The following ANKFN1 variants were observed in gnomAD, a reference collection of about 807,000 sequenced individuals.
ANKFN1 encodes ankyrin repeat and fibronectin type-III domain-containing protein 1.
ANKFN1 carries 74 observed loss-of-function variants against 108.7 expected under a neutral mutation model. The observed-to-expected ratio is 0.68, with a 90% CI of 0.56 to 0.83. ANKFN1 has a LOEUF of 0.83. ANKFN1 is among the 40% of genes least tolerant of loss of function. The pLI is 0.00. For synonymous variants in ANKFN1, 547 were observed against 516.2 expected (o/e 1.06, Z -0.81); for missense variants, 1,505 against 1,382.3 (o/e 1.09, Z -1.41).
Position 56,360,168 on chromosome 17 carries a change from A to T in ANKFN1, c.601+6122A>T, listed in dbSNP as rs118023753. Among the ~76,000 whole-genome samples, 119 of 152,320 alleles carry T rather than the reference A, an allele frequency of 7.8e-4. 1 individual carries two copies. In the South Asian group the frequency reaches 0.014, roughly 17 times the overall value. Reference sequence around the variant, plus strand: ...TTCTGCTTCACTAAAATAGGGGTATAGATCTTCACCCTAACTTACAAATCT... The same window carrying T: ...TTCTGCTTCACTAAAATAGGGGTATTGATCTTCACCCTAACTTACAAATCT... On this transcript the variant is annotated intron_variant, in intron 6 of 20. Coordinates refer to ENST00000682825, the MANE Select transcript of ANKFN1 (RefSeq NM_001370326.1).
chr17:56,437,481 G>C (rs2048966415), intron 8 of ANKFN1, among the ~76,000 whole-genome samples: 1 of 152,134 alleles, frequency 6.6e-6, no homozygotes, highest in Non-Finnish European at 1.5e-5. Flanking sequence ...AATTAATCAT[G>C]TCTGTTTCAA....
chr17:56,152,792 A>G (rs1251959000), upstream of ANKFN1, among the ~76,000 whole-genome samples: 1 of 152,214 alleles, frequency 6.6e-6, no homozygotes, highest in East Asian at 1.9e-4. Flanking sequence ...CAAAATAAGC[A>G]TGCACATAAT....
At chr17:56,373,820 C>T (rs1185679977) in intron 7 of ANKFN1, among the ~76,000 whole-genome samples, 2 of 152,174 alleles carry the variant, frequency 1.3e-5, no homozygotes, top group Non-Finnish European at 2.9e-5. Context: ...TGCTATTATG[C>T]CTCATTTAGG....
At chr17:56,383,072 G>C (rs536653768) in intron 8 of ANKFN1, among the ~76,000 whole-genome samples, 3 of 152,196 alleles carry the variant, frequency 2.0e-5, no homozygotes, top group Non-Finnish European at 4.4e-5. Flanking sequence ...TGACCACATA[G>C]TTGGAAGTAA....
intron 6 of ANKFN1, among the ~76,000 whole-genome samples, chr17:56,363,691 G>C (rs936475968): frequency 6.6e-6 from 1 of 152,086 alleles, no homozygotes; most frequent in African/African-American, 2.4e-5. Flanking sequence ...TAACAGATGA[G>C]TGGATTTTTA....
intron 6 of ANKFN1, among the ~76,000 whole-genome samples, chr17:56,363,603 A>G (rs1476857955): frequency 2.0e-5 from 3 of 152,234 alleles, no homozygotes; most frequent in Non-Finnish European, 4.4e-5. Flanking sequence ...TCAGTTTGTC[A>G]AAGAGATGTC....
chr17:56,223,917 T>A (rs1227729872), intron 2 of ANKFN1, among the ~76,000 whole-genome samples: 3 of 152,230 alleles, frequency 2.0e-5, no homozygotes, highest in African/African-American at 7.2e-5. Flanking sequence ...CACAACAATC[T>A]TAGGAGAAGT....
intron 4 of ANKFN1, among the ~76,000 whole-genome samples, chr17:56,103,300 G>A (rs1311485650): frequency 6.6e-6 from 1 of 152,226 alleles, no homozygotes; most frequent in East Asian, 1.9e-4. Flanking sequence ...GCAGAGCTGA[G>A]CAGGATCAAA....
Position 56,087,191 on chromosome 17 carries a change from G to C in ANKFN1, c.288+40866G>C, listed in dbSNP as rs573498455. 8.6e-5 allele frequency among the ~76,000 whole-genome samples: 13 copies of C among 151,334 alleles called. No individual in the cohort carries two copies. In the East Asian group the frequency reaches 2.1e-3, roughly 25 times the overall value. On this transcript the variant is annotated intron_variant, in intron 4 of 12. Coordinates refer to the ANKFN1 transcript ENST00000635860. Reference sequence around the variant, plus strand: ...TTGATTCTGTGTCTGTACTACTTTTGACTATTTCCCAGGTCTTTCATGGGG... The same window carrying C: ...TTGATTCTGTGTCTGTACTACTTTTCACTATTTCCCAGGTCTTTCATGGGG...
chr17:56,353,795 G>A (rs1555634958), intron 5 of ANKFN1, 41 bp from the exon 6 acceptor site: 2 of 1,583,438 alleles, frequency 1.3e-6, no homozygotes, highest in Non-Finnish European at 1.7e-6. Context: ...AAGACACACT[G>A]GTTTAAGAAA....
intron 3 of ANKFN1, among the ~76,000 whole-genome samples, chr17:56,278,582 A>C (rs944920137): frequency 6.6e-6 from 1 of 152,378 alleles, no homozygotes; most frequent in Non-Finnish European, 1.5e-5. Flanking sequence ...GTTCAAAAAA[A>C]TTCCTATTGC....
intron 11 of ANKFN1, among the ~76,000 whole-genome samples, chr17:56,454,615 C>A (rs74616730): frequency 0.018 from 2,765 of 152,258 alleles, 56 homozygotes; most frequent in East Asian, 0.093. Context: ...TGACCTGGCA[C>A]CACCTTTCCA....
chr17:56,294,406 C>T (rs1467237604), intron 3 of ANKFN1, among the ~76,000 whole-genome samples: 1 of 152,216 alleles, frequency 6.6e-6, no homozygotes, highest in African/African-American at 2.4e-5. Flanking sequence ...CAGGCCACAC[C>T]ATAATTCAGG....
intron 1 of ANKFN1, among the ~76,000 whole-genome samples, chr17:56,169,878 G>A (rs986244597): frequency 2.0e-5 from 3 of 152,178 alleles, no homozygotes; most frequent in Non-Finnish European, 4.4e-5. Context: ...CCCTAAGGCT[G>A]CTCTTTGTAA....
At chr17:56,468,267 A>T (rs531333192) in intron 15 of ANKFN1, among the ~76,000 whole-genome samples, 1 of 152,326 alleles carries the variant, frequency 6.6e-6, no homozygotes, top group South Asian at 2.1e-4. Flanking sequence ...CTGAATAGCC[A>T]CCAAAATTCA....
chr17:56,481,278 C>A (rs1278292237), intron 17 of ANKFN1, among the ~76,000 whole-genome samples: 1 of 152,034 alleles, frequency 6.6e-6, no homozygotes, highest in Non-Finnish European at 1.5e-5. Flanking sequence ...GCTATTTTTT[C>A]TCAGAGAACT....
intron 20 of ANKFN1, among the ~76,000 whole-genome samples, chr17:56,503,320 A>T (rs1248632680): frequency 2.0e-5 from 3 of 152,052 alleles, no homozygotes; most frequent in African/African-American, 7.2e-5. Flanking sequence ...GCTCAAAAAA[A>T]TCAACAAGAA....
intron 2 of ANKFN1, 116 bp from the exon 3 acceptor site, chr17:56,227,801 G>A: frequency 1.3e-6 from 1 of 797,328 alleles, no homozygotes; most frequent in Admixed American, 2.9e-5. Context: ...TCATCTGTAG[G>A]CTAGGCTTCT....
rs1270915266 is a variant in ANKFN1 at position 56,095,315 on chromosome 17, G to A, written c.288+48990G>A. On this transcript the variant is annotated intron_variant, in intron 4 of 12. Coordinates refer to the ANKFN1 transcript ENST00000635860. ...TTACTTTTTTTTTTTTTTCTGATACGTGGTCTTATTCAGGGTCTCAGGCTA... is the reference window on the plus strand; with the variant it reads ...TTACTTTTTTTTTTTTTTCTGATACATGGTCTTATTCAGGGTCTCAGGCTA... Among the ~76,000 whole-genome samples the A allele has an allele frequency of 2.7e-5, 4 of 145,576 alleles. 1 individual carries two copies. Among genetic ancestry groups the A allele is most frequent in the Admixed American group, 1.4e-4 (2 of 14,564 alleles).
Sources: gnomAD v4.1 joint callset for allele counts (sites outside exome capture counted in the v4.1 genomes callset) on GRCh38, gnomAD v4.1.1 for gene constraint, MANE v1.5 for transcripts, NCBI Gene and HGNC (gene_info 2026-07-23, HGNC 2026-07-21) for gene names.